The following PTPRU variants were observed in gnomAD, a reference collection of about 807,000 sequenced individuals.
The protein encoded by PTPRU is receptor-type tyrosine-protein phosphatase U.
A neutral mutation model predicts 166.3 loss-of-function variants in PTPRU; 69 were observed. That is an observed-to-expected ratio of 0.41 (90% CI 0.34 to 0.51). PTPRU has a LOEUF of 0.51. PTPRU is among the 20% of genes least tolerant of loss of function. PTPRU has a pLI of 0.09. For synonymous variants in PTPRU, 793 were observed against 814.0 expected, an observed-to-expected ratio of 0.97 and a Z score of 0.44; for missense variants, 1,657 against 2,013.7, an observed-to-expected ratio of 0.82 and a Z score of 3.39.
intron 18 of PTPRU, 177 bp downstream of exon 18, chr1:29,305,605 C>T (rs929511215): frequency 6.4e-6 from 5 of 782,842 alleles, no homozygotes; most frequent in Non-Finnish European, 4.6e-6. Flanking sequence ...TGAGCAGCAG[C>T]TTCTGGAAGG....
At chr1:29,312,906 C>G (rs531686709) in intron 22 of PTPRU, among the ~76,000 whole-genome samples, 200 bp downstream of exon 22, 19 of 152,288 alleles carry the variant, frequency 1.2e-4, no homozygotes, top group Admixed American at 3.3e-4. Flanking sequence ...CATGTGCCCC[C>G]CAAGACCTGT....
At chr1:29,258,443 C>A in intron 2 of PTPRU, 62 bp from the exon 3 acceptor site, 2 of 1,554,704 alleles carry the variant, frequency 1.3e-6, no homozygotes, top group South Asian at 1.2e-5. Context: ...GCTCCCCTTG[C>A]CCTGGCCCTG....
chr1:29,309,756 G>A (rs994499552), intron 18 of PTPRU, among the ~76,000 whole-genome samples: 4 of 152,234 alleles, frequency 2.6e-5, no homozygotes, highest in Non-Finnish European at 5.9e-5. Flanking sequence ...GGTAGAGCTG[G>A]GATTTGAACC....
chr1:29,283,653 G>A (rs1366555635), intron 12 of PTPRU: 3 of 471,418 alleles, frequency 6.4e-6, no homozygotes, highest in Non-Finnish European at 1.1e-5. Flanking sequence ...TGGACCTCTG[G>A]CCCTAGGCCT....
chr1:29,314,732 C>T (rs990499855), intron 22 of PTPRU, among the ~76,000 whole-genome samples: 8 of 152,078 alleles, frequency 5.3e-5, no homozygotes, highest in Admixed American at 4.6e-4. Context: ...CACGTGCCAC[C>T]ACACCCGGCT....
In PTPRU at chr1:29,320,815, A is replaced by G. The variant is rs746224045; in HGVS notation, c.3818A>G (p.Asn1273Ser). Reference sequence around the variant, plus strand: ...ATGCTCAACCAGCTGAACCAGTCCAACTCCGCCTGGGTGAGGCCTCCACTG... The same window carrying G: ...ATGCTCAACCAGCTGAACCAGTCCAGCTCCGCCTGGGTGAGGCCTCCACTG... Reference protein sequence around the residue: ...IVMLNQLNQSNSAWPCLQYWP... With the variant: ...IVMLNQLNQSSSAWPCLQYWP... Residue 1273 changes from asparagine (N) to serine (S), a missense_variant, in exon 26 of 30, where the codon AAC (asparagine) becomes AGC (serine). Asn to Ser is a conservative substitution (Grantham distance 46). Coordinates refer to ENST00000373779, the MANE Select transcript of PTPRU (RefSeq NM_133178.4). The surrounding 1 kb of genome is among the most constrained non-coding windows in gnomAD (Gnocchi z 5.2). 23 of 1,582,278 alleles carry G rather than the reference A, an allele frequency of 1.5e-5. No individual in the cohort carries two copies. The East Asian group carries it at 1.8e-4, about 13-fold the overall frequency.
At position 29,236,621 on chromosome 1, in the gene PTPRU, G is replaced by T; in HGVS notation, c.-24G>T. The T allele has an allele frequency of 8.1e-7, 1 of 1,231,670 alleles. No individual in the cohort carries two copies. The highest frequency in any genetic ancestry group is 1.0e-6 in the Non-Finnish European group (1 of 987,364). 76.3% of individuals were successfully genotyped at this position (1,231,670 alleles called of 1,614,324 possible). A position where few individuals can be genotyped will look rare whatever the true frequency, so the allele number is the denominator to read the frequency against. On this transcript the variant is annotated 5_prime_UTR_variant, in exon 1 of 30. Transcript: ENST00000373779. The surrounding 1 kb of genome is among the most constrained non-coding windows in gnomAD (Gnocchi z 4.6). ...GGCGGCGTCCCCCGCGCCGGGCCCCGGGACGGGCGGCGACGCTCCAACCAT... is the reference window on the plus strand; with the variant it reads ...GGCGGCGTCCCCCGCGCCGGGCCCCTGGACGGGCGGCGACGCTCCAACCAT...
At chr1:29,261,992 T>C (rs1455083438) in intron 7 of PTPRU, among the ~76,000 whole-genome samples, 3 of 152,238 alleles carry the variant, frequency 2.0e-5, no homozygotes, top group Non-Finnish European at 4.4e-5. Flanking sequence ...TTCACATTGA[T>C]ACAAACCACA....
intron 7 of PTPRU, among the ~76,000 whole-genome samples, chr1:29,269,235 TA>T: frequency 2.3e-5 from 1 of 44,222 alleles, no homozygotes; most frequent in African/African-American, 6.9e-5. Flanking sequence ...TATATATATA[TA>T]TATATATATA....
At chr1:29,275,397 T>G (rs530575970) in intron 7 of PTPRU, 51 bp from the exon 8 acceptor site, 3 of 1,506,132 alleles carry the variant, frequency 2.0e-6, no homozygotes, top group African/African-American at 1.4e-5. Flanking sequence ...CTTCTTCCTC[T>G]TCTCTTCCCA....
In PTPRU at chr1:29,259,526, G is replaced by A. The variant is rs374665975; in HGVS notation, c.637G>A (p.Ala213Thr). 15 of 1,608,654 alleles carry A rather than the reference G, an allele frequency of 9.3e-6. No homozygotes were observed. Among genetic ancestry groups the A allele is most frequent in the Non-Finnish European group, 1.3e-5 (15 of 1,176,922 alleles). Residue 213 changes from alanine to threonine, a missense_variant, in exon 5 of 30, where the codon GCG becomes ACG. By Grantham distance (58) the Ala-to-Thr change is moderately conservative. Coordinates refer to ENST00000373779, the MANE Select transcript of PTPRU (RefSeq NM_133178.4). ...GAACGCGTCGTTCCAGTGCATGGCC[G>A]CGGGCAGAGCGGCCGAGGCCGAACG... Reference protein sequence around the residue: ...GQNASFQCMAAGRAAEAERFL... With the variant: ...GQNASFQCMATGRAAEAERFL...
At chr1:29,303,145 A>G (rs1419953903) in intron 15 of PTPRU, among the ~76,000 whole-genome samples, 1 of 152,202 alleles carries the variant, frequency 6.6e-6, no homozygotes, top group Non-Finnish European at 1.5e-5. Flanking sequence ...GCGTGTCCCA[A>G]GGCGGGTGTG....
At chr1:29,245,856 T>C (rs962054191) in intron 1 of PTPRU, among the ~76,000 whole-genome samples, 1 of 152,230 alleles carries the variant, frequency 6.6e-6, no homozygotes, top group African/African-American at 2.4e-5. Flanking sequence ...GTTTGTGTCA[T>C]AGAGCATTTA....
intron 2 of PTPRU, 31 bp from the exon 3 acceptor site, chr1:29,258,474 C>T (rs1259781480): frequency 6.2e-7 from 1 of 1,601,788 alleles, no homozygotes; most frequent in African/African-American, 1.3e-5. Context: ...GAGGTCTCCT[C>T]ATCTCCTGCC....
At chr1:29,290,535 C>G (rs186293190) in intron 14 of PTPRU, among the ~76,000 whole-genome samples, 71 of 152,364 alleles carry the variant, frequency 4.7e-4, no homozygotes, top group African/African-American at 1.6e-3. Flanking sequence ...GGTTTTCCCT[C>G]CCTCGAAGTG....
Position 29,310,775 on chromosome 1 carries a change from C to T in PTPRU, c.2852C>T (p.Thr951Ile). Reference sequence around the variant, plus strand: ...CACAGGTCAAACCACTTCATAGCCACTCAAGGTACCTGGCACTTCTGCCCA... The same window carrying T: ...CACAGGTCAAACCACTTCATAGCCATTCAAGGTACCTGGCACTTCTGCCCA... ...GYHRSNHFIA[T>I]QGPKPEMVYD... The change falls in exon 19 of 30, where the codon ACT becomes ATT. Residue 951 changes from threonine (T) to isoleucine (I), a missense_variant. By Grantham distance (89) the Thr-to-Ile change is moderately conservative. Coordinates refer to ENST00000373779, the MANE Select transcript of PTPRU (RefSeq NM_133178.4). The T allele has an allele frequency of 6.2e-7, 1 of 1,614,004 alleles. No homozygotes were observed. Among genetic ancestry groups the T allele is most frequent in the Non-Finnish European group, 8.5e-7 (1 of 1,179,870 alleles).
At position 29,311,615 on chromosome 1, in the gene PTPRU, A is replaced by G. The variant is rs1557478721; in HGVS notation, c.2956-28A>G. Reference sequence around the variant, plus strand: ...AGGCCAAGGGGGCAGCAAAGAGCCCACTGAGTCCCGTCCTGTGGGGCCTCT... The same window carrying G: ...AGGCCAAGGGGGCAGCAAAGAGCCCGCTGAGTCCCGTCCTGTGGGGCCTCT... On this transcript the variant is annotated intron_variant, in intron 20 of 29. Coordinates refer to ENST00000373779, the MANE Select transcript of PTPRU (RefSeq NM_133178.4). This position sits in a 1 kb window ranked among gnomAD's most constrained non-coding sequence, Gnocchi z 4.1. The G allele has an allele frequency of 1.2e-6, 2 of 1,613,960 alleles. No individual in the cohort carries two copies. The highest frequency in any genetic ancestry group is 2.2e-5 in the East Asian group (1 of 44,880).
intron 24 of PTPRU, 42 bp downstream of exon 24, chr1:29,316,193 CTG>C (rs763445348): frequency 2.1e-5 from 32 of 1,551,930 alleles, no homozygotes; most frequent in South Asian, 2.3e-5. Context: ...GTGTGTGTGT[CTG>C]TGTGTGTGTT....
chr1:29,277,930 C>T (rs903149369), intron 8 of PTPRU, among the ~76,000 whole-genome samples: 3 of 148,292 alleles, frequency 2.0e-5, no homozygotes, highest in Middle Eastern at 3.3e-3. Flanking sequence ...GCGATTCTCC[C>T]ACCTCAGCCT....
Sources: allele counts gnomAD v4.1 joint callset (sites outside exome capture counted in the v4.1 genomes callset), GRCh38; gene constraint gnomAD v4.1.1; non-coding constraint Gnocchi (gnomAD v3.1); transcripts MANE v1.5; gene names NCBI Gene and HGNC (gene_info 2026-07-23, HGNC 2026-07-21).